E2F5: variants seen among roughly 807,000 people sequenced by gnomAD.
The protein encoded by E2F5 is E2F transcription factor 5, also known as transcription factor E2F5.
A neutral mutation model predicts 39.1 loss-of-function variants in E2F5; 23 were observed. That is an observed-to-expected ratio of 0.59 (90% CI 0.42 to 0.83). The LOEUF (loss-of-function observed/expected upper bound fraction) is 0.83, where lower values mean the gene tolerates loss of function less well. Among genes scored for constraint, E2F5 ranks in the 40% least tolerant of loss-of-function variants. E2F5 has a pLI of 0.00. For synonymous variants in E2F5, 145 were observed against 157.8 expected, an observed-to-expected ratio of 0.92 and a Z score of 0.61; for missense variants, 365 against 406.7, an observed-to-expected ratio of 0.90 and a Z score of 0.88.
intron 5 of E2F5, 61 bp downstream of exon 5, chr8:85,207,550 A>G: frequency 7.2e-7 from 1 of 1,394,486 alleles, no homozygotes; most frequent in Middle Eastern, 1.9e-4. Flanking sequence ...CTCAAGAAGG[A>G]TATTTTCTTT....
chr8:85,211,271 G>A (rs1812914650), intron 6 of E2F5, among the ~76,000 whole-genome samples: 1 of 151,044 alleles, frequency 6.6e-6, no homozygotes, highest in African/African-American at 2.4e-5. Flanking sequence ...ATTGTGACGT[G>A]TGCCTGTGGT....
At chr8:85,199,695 A>G (rs997825903) in intron 1 of E2F5, among the ~76,000 whole-genome samples, 11 of 152,194 alleles carry the variant, frequency 7.2e-5, no homozygotes, top group Non-Finnish European at 1.5e-4. Context: ...CCAATCTTAA[A>G]CACAGTCTTA....
At chr8:85,184,616 C>T (rs139150447) in intron 1 of E2F5, among the ~76,000 whole-genome samples, 5,273 of 152,196 alleles carry the variant, frequency 0.035, 282 homozygotes, top group African/African-American at 0.12. Context: ...TTTAGAAAAC[C>T]CCATCGTCTT....
chr8:85,207,850 T>A (rs1812830398), intron 5 of E2F5, among the ~76,000 whole-genome samples: 1 of 152,234 alleles, frequency 6.6e-6, no homozygotes, highest in African/African-American at 2.4e-5. Flanking sequence ...ATAAGGTGTG[T>A]ATGAAACAAA....
intron 1 of E2F5, among the ~76,000 whole-genome samples, chr8:85,187,363 C>T (rs567835278): frequency 6.6e-6 from 1 of 152,220 alleles, no homozygotes; most frequent in African/African-American, 2.4e-5. Flanking sequence ...TCTCTACGTT[C>T]TGTCCATTAC....
In E2F5 at chr8:85,202,231, A is replaced by C; in HGVS notation, c.319A>C (p.Lys107Gln). 1 of 1,611,654 alleles carries C rather than the reference A, an allele frequency of 6.2e-7. No individual in the cohort carries two copies. Among genetic ancestry groups the C allele is most frequent in the South Asian group, 1.1e-5 (1 of 90,320 alleles). The stretch of plus-strand genomic sequence containing the variant: ...AGAGGGAATTGACTTGATTGAAAAA[A>C]AGTCAAAAAACAGTATCCAGTGGAA... ...VLEGIDLIEK[K>Q]SKNSIQWKGV... The change falls in exon 2 of 8, where the codon AAG (lysine) becomes CAG (glutamine). Residue 107 changes from lysine to glutamine, a missense_variant. Lys to Gln is a moderately conservative substitution (Grantham distance 53, BLOSUM62 1). Transcript: ENST00000416274.
At chr8:85,198,359 TC>T (rs1812624726) in intron 1 of E2F5, among the ~76,000 whole-genome samples, 1 of 152,090 alleles carries the variant, frequency 6.6e-6, no homozygotes, top group South Asian at 2.1e-4. Context: ...AAAAAAAACT[TC>T]CTGGAGACCC....
rs898155530 is a variant in E2F5 at position 85,190,320 on chromosome 8, C to T, written c.235-11827C>T. On this transcript the variant is annotated intron_variant, in intron 1 of 7. Coordinates refer to ENST00000416274, the MANE Select transcript of E2F5 (RefSeq NM_001951.4). ...CACACAACTGGCCACTTCTCCAAACCGTCTGGTCTTAGTTTTTTTTTTTCC... is the reference window on the plus strand; with the variant it reads ...CACACAACTGGCCACTTCTCCAAACTGTCTGGTCTTAGTTTTTTTTTTTCC... Among the ~76,000 whole-genome samples the T allele has an allele frequency of 4.0e-5, 6 of 151,738 alleles. No individual in the cohort carries two copies. In the East Asian group the frequency reaches 5.8e-4, roughly 15 times the overall value.
intron 5 of E2F5, 74 bp from the exon 6 acceptor site, chr8:85,209,068 G>A: frequency 6.8e-7 from 1 of 1,467,072 alleles, no homozygotes; most frequent in Non-Finnish European, 9.3e-7. Flanking sequence ...AGCTTTGCCT[G>A]TCTTATTGTA....
At chr8:85,197,537 C>T (rs1355412249) in intron 1 of E2F5, among the ~76,000 whole-genome samples, 1 of 152,122 alleles carries the variant, frequency 6.6e-6, no homozygotes, top group East Asian at 1.9e-4. Flanking sequence ...TAATTTTGTT[C>T]CACCTATAGA....
chr8:85,200,313 C>A, intron 1 of E2F5: 1 of 949,156 alleles, frequency 1.1e-6, no homozygotes, highest in Non-Finnish European at 1.3e-6. Context: ...TACATATGAT[C>A]TGTACATGTT....
intron 6 of E2F5, among the ~76,000 whole-genome samples, chr8:85,210,070 G>T (rs550126859): frequency 6.6e-6 from 1 of 152,328 alleles, no homozygotes; most frequent in East Asian, 1.9e-4. Flanking sequence ...TAATTTGGCA[G>T]TACCTTACTG....
Position 85,177,612 on chromosome 8 carries a change from G to A in E2F5, c.192G>A (p.Ser64=). The change falls in exon 1 of 8, where the codon TCG becomes TCA. Residue 64 remains serine (S), a synonymous_variant. Transcript: ENST00000416274. Reference sequence around the variant, plus strand: ...GGCTGCTCACTACCAAGTTCGTGTCGCTGCTGCAGGAGGCCAAGGACGGCG... The same window carrying A: ...GGCTGCTCACTACCAAGTTCGTGTCACTGCTGCAGGAGGCCAAGGACGGCG... ...SLGLLTTKFV[S]LLQEAKDGVL... The A allele has an allele frequency of 2.3e-6, 3 of 1,297,712 alleles. No homozygotes were observed. Among genetic ancestry groups the A allele is most frequent in the Non-Finnish European group, 2.9e-6 (3 of 1,018,234 alleles). 80.4% of individuals were successfully genotyped at this position (1,297,712 alleles called of 1,614,324 possible). A position where few individuals can be genotyped will look rare whatever the true frequency, so the allele number is the denominator to read the frequency against.
Position 85,190,497 on chromosome 8 carries a change from C to CTTTT in E2F5, c.235-11629_235-11626dup, listed in dbSNP as rs34804570. Among the ~76,000 whole-genome samples, 236 of 70,332 alleles carry CTTTT rather than the reference C, an allele frequency of 3.4e-3. 2 individuals carry two copies. The highest frequency in any genetic ancestry group is 4.9e-3 in the African/African-American group (82 of 16,714). The allele number at this position is 70,332 out of a possible 152,430, so 46.1% of individuals were successfully genotyped here. On this transcript the variant is annotated intron_variant, in intron 1 of 7. Transcript: ENST00000416274. ...TGATTTTAAGATGGGGAGATTTTTCCTTTTTTTTTTTTTTTTTTTTTTTTG... is the reference window on the plus strand; with the variant it reads ...TGATTTTAAGATGGGGAGATTTTTCCTTTTTTTTTTTTTTTTTTTTTTTTTTTTG...
chr8:85,177,682 G>A (rs1043917862), intron 1 of E2F5, 28 bp downstream of exon 1: 4 of 1,255,988 alleles, frequency 3.2e-6, no homozygotes, highest in Non-Finnish European at 4.0e-6. Flanking sequence ...GGACGGGGGC[G>A]GACTTCGGAA....
chr8:85,185,240 C>T (rs181174121), intron 1 of E2F5, among the ~76,000 whole-genome samples: 1 of 152,156 alleles, frequency 6.6e-6, no homozygotes, highest in Non-Finnish European at 1.5e-5. Context: ...CTTTGACAAA[C>T]CTGACACCAA....
intron 1 of E2F5, among the ~76,000 whole-genome samples, chr8:85,198,080 G>T (rs1459553695): frequency 2.0e-5 from 3 of 152,062 alleles, no homozygotes; most frequent in African/African-American, 7.2e-5. Flanking sequence ...TCAACCAGAA[G>T]GAAATGTCTA....
At chr8:85,201,911 T>A (rs1446426872) in intron 1 of E2F5, 5 of 515,534 alleles carry the variant, frequency 9.7e-6, no homozygotes, top group Non-Finnish European at 1.7e-5. Flanking sequence ...GCAGGCTTTG[T>A]GTCATGACCT....
At chr8:85,212,112 T>G (rs1236946302) in intron 6 of E2F5, 45 bp from the exon 7 acceptor site, 1 of 1,472,016 alleles carries the variant, frequency 6.8e-7, no homozygotes, top group Middle Eastern at 1.7e-4. Flanking sequence ...ATGAGTATCT[T>G]TTACTGTTAA....
Sources: gnomAD v4.1 joint callset for allele counts (sites outside exome capture counted in the v4.1 genomes callset) on GRCh38, gnomAD v4.1.1 for gene constraint, MANE v1.5 for transcripts, NCBI Gene and HGNC (gene_info 2026-07-23, HGNC 2026-07-21) for gene names.